Variants in USP34 observed in about 807,000 individuals in gnomAD.
The protein encoded by USP34 is ubiquitin carboxyl-terminal hydrolase 34.
In USP34, 70 loss-of-function variants were observed where a neutral mutation model predicts 460.3. The ratio of observed to expected loss-of-function variants is 0.15; its 90% CI spans 0.13 to 0.19. The LOEUF (loss-of-function observed/expected upper bound fraction) is 0.19, where lower values mean the gene tolerates loss of function less well. USP34 is among the 10% of genes least tolerant of loss of function. The probability of loss-of-function intolerance (pLI) is 1.00; values close to 1 mark genes in which losing one functional copy is unlikely to be tolerated. For synonymous variants in USP34, 1,647 were observed against 1,405.3 expected, an observed-to-expected ratio of 1.17 and a Z score of -3.85; for missense variants, 3,985 against 4,236.2, an observed-to-expected ratio of 0.94 and a Z score of 1.65.
At chr2:61,285,960 T>G (rs1689677531) in intron 34 of USP34, among the ~76,000 whole-genome samples, 1 of 152,190 alleles carries the variant, frequency 6.6e-6, no homozygotes, top group Non-Finnish European at 1.5e-5. Context: ...ACATACTTCC[T>G]AAGGCACTGT....
intron 27 of USP34, among the ~76,000 whole-genome samples, chr2:61,307,037 T>A (rs554148767): frequency 6.6e-6 from 1 of 152,300 alleles, no homozygotes; most frequent in Admixed American, 6.5e-5. Flanking sequence ...GTGGCACTAT[T>A]CACAAGAGCA....
intron 37 of USP34, among the ~76,000 whole-genome samples, chr2:61,282,224 C>A (rs1209386482): frequency 6.6e-6 from 1 of 152,184 alleles, no homozygotes; most frequent in Admixed American, 6.5e-5. Context: ...TTCCTGACCT[C>A]ATGTGATCCA....
At position 61,319,287 on chromosome 2, in the gene USP34, T is replaced by C. The variant is rs371939298; in HGVS notation, c.3054A>G (p.Leu1018=). ...LEQVDILWHC[L]VEDSECYDDA... ...CATCATAACATTCAGAATCTTCTAC[T>C]AAACAATGCCATAAGATGTCAACTT... The change falls in exon 22 of 80, where the codon TTA becomes TTG. Residue 1018 remains leucine (L), a synonymous_variant. Transcript: ENST00000398571. 1 of 1,580,732 alleles carries C rather than the reference T, an allele frequency of 6.3e-7. No homozygotes were observed. Among genetic ancestry groups the C allele is most frequent in the South Asian group, 1.2e-5 (1 of 82,812 alleles).
intron 48 of USP34, chr2:61,250,765 G>C (rs748725886): frequency 6.6e-6 from 1 of 152,314 alleles, no homozygotes; most frequent in Non-Finnish European, 1.5e-5. Flanking sequence ...TCCTAATTTA[G>C]TAAAATCAAA....
intron 23 of USP34, among the ~76,000 whole-genome samples, chr2:61,316,654 G>A (rs1690758185): frequency 6.6e-6 from 1 of 151,966 alleles, no homozygotes; most frequent in Admixed American, 6.6e-5. Context: ...GGAGGCCAAG[G>A]CGGGTGGATC....
chr2:61,201,831 A>T (rs886505238), intron 75 of USP34, among the ~76,000 whole-genome samples: 24 of 152,204 alleles, frequency 1.6e-4, no homozygotes, highest in Non-Finnish European at 2.6e-4. Flanking sequence ...AAAATTTTTT[A>T]AAAAGTGTTT....
intron 10 of USP34, among the ~76,000 whole-genome samples, chr2:61,365,292 C>CACACA (rs754663268): frequency 7.0e-6 from 1 of 142,096 alleles, no homozygotes; most frequent in African/African-American, 2.7e-5. Flanking sequence ...CACACACACA[C>CACACA]GTGTGTTTAT....
chr2:61,401,690 A>G (rs1000294619), intron 3 of USP34, among the ~76,000 whole-genome samples: 1 of 149,022 alleles, frequency 6.7e-6, no homozygotes, highest in African/African-American at 2.5e-5. Context: ...CTGGGACTAC[A>G]GGCACCCGCT....
chr2:61,423,272 C>T (rs903537863), intron 1 of USP34, among the ~76,000 whole-genome samples: 1 of 152,026 alleles, frequency 6.6e-6, no homozygotes, highest in East Asian at 1.9e-4. Flanking sequence ...CACCATCACG[C>T]CTGGCTAGTT....
At chr2:61,436,579 G>A (rs201088064) in intron 1 of USP34, among the ~76,000 whole-genome samples, 1 of 152,190 alleles carries the variant, frequency 6.6e-6, no homozygotes, top group African/African-American at 2.4e-5. Context: ...TAACGGGAGA[G>A]ACAGACCTCA....
intron 30 of USP34, 129 bp downstream of exon 30, chr2:61,296,671 A>C: frequency 1.1e-6 from 1 of 902,030 alleles, no homozygotes; most frequent in Non-Finnish European, 1.6e-6. Flanking sequence ...GGCACTTTTT[A>C]CCTACTATAT....
chr2:61,287,642 T>C (rs1395997125), intron 34 of USP34, among the ~76,000 whole-genome samples: 2 of 152,182 alleles, frequency 1.3e-5, no homozygotes, highest in Non-Finnish European at 2.9e-5. Context: ...GAACAGTAAA[T>C]ATATTTTCTC....
At chr2:61,245,009 C>A (rs1037741159) in intron 51 of USP34, among the ~76,000 whole-genome samples, 1 of 152,022 alleles carries the variant, frequency 6.6e-6, no homozygotes, top group East Asian at 1.9e-4. Flanking sequence ...CCTTCTTAAT[C>A]GGGCTGTTGT....
intron 43 of USP34, among the ~76,000 whole-genome samples, chr2:61,264,926 A>G (rs1051285872): frequency 6.6e-6 from 1 of 152,192 alleles, no homozygotes; most frequent in African/African-American, 2.4e-5. Context: ...GTGAATAAAA[A>G]TAACATGAAG....
Position 61,378,377 on chromosome 2 carries a change from T to C in USP34, c.1062A>G (p.Val354=), listed in dbSNP as rs1279237640. The C allele has an allele frequency of 1.9e-6, 3 of 1,596,634 alleles. No homozygotes were observed. Among genetic ancestry groups the C allele is most frequent in the Non-Finnish European group, 2.6e-6 (3 of 1,173,526 alleles). ...FNDVCNNESL[V]SDTETSIAKE... ...CTCCTACTTACGTTTCTGTGTCCGA[T>C]ACTAATGATTCATTATTGCACACAT... Residue 354 remains valine, a synonymous_variant, in exon 8 of 80, where the codon GTA becomes GTG. Coordinates refer to ENST00000398571, the MANE Select transcript of USP34 (RefSeq NM_014709.4).
chr2:61,204,955 A>T lies in USP34; in HGVS notation c.9155-354T>A, dbSNP rs1342163157. 2.6e-5 allele frequency among the ~76,000 whole-genome samples: 4 copies of T among 152,100 alleles called. No individual in the cohort carries two copies. In the East Asian group the frequency reaches 7.7e-4, roughly 29 times the overall value. On this transcript the variant is annotated intron_variant, in intron 72 of 79. Transcript: ENST00000398571. ...CTACAGCCTTGAGCTCCTGGGTGCA[A>T]GTGATCCTCCTGCCTCAGGCTCCCA...
chr2:61,429,304 A>G (rs1032977063), intron 1 of USP34, among the ~76,000 whole-genome samples: 2 of 152,082 alleles, frequency 1.3e-5, no homozygotes, highest in African/African-American at 4.8e-5. Context: ...AAATTAAGCC[A>G]GGCATGGTGG....
chr2:61,340,215 CTT>C (rs10553328), intron 16 of USP34, among the ~76,000 whole-genome samples: 55,663 of 151,642 alleles, frequency 0.37, 10,163 homozygotes, highest in African/African-American at 0.39. Flanking sequence ...TAAAAAAAAA[CTT>C]AACACTATTT....
At chr2:61,254,911 A>C (rs961888719) in intron 48 of USP34, among the ~76,000 whole-genome samples, 2 of 152,202 alleles carry the variant, frequency 1.3e-5, no homozygotes, top group South Asian at 2.1e-4. Flanking sequence ...GCAATGGCAC[A>C]ATCATGGCTC....
Sources: allele counts gnomAD v4.1 joint callset (sites outside exome capture counted in the v4.1 genomes callset), GRCh38; gene constraint gnomAD v4.1.1; transcripts MANE v1.5; gene names NCBI Gene and HGNC (gene_info 2026-07-23, HGNC 2026-07-21).